The following WASHC3 variants were observed in gnomAD, a reference collection of about 807,000 sequenced individuals.
WASHC3 encodes WASH complex subunit CCDC53.
WASHC3 carries 24 observed loss-of-function variants against 26.1 expected under a neutral mutation model. The observed-to-expected ratio is 0.92, with a 90% confidence interval of 0.66 to 1.29. WASHC3 has a LOEUF of 1.29. WASHC3 is among the 50% of genes most tolerant of loss of function. The probability of loss-of-function intolerance (pLI) is 0.00; values close to 1 mark genes in which losing one functional copy is unlikely to be tolerated. For missense variants in WASHC3, 214 were observed against 229.6 expected (o/e 0.93, Z 0.44); for synonymous variants, 77 against 75.7 (o/e 1.02, Z -0.09).
intron 1 of WASHC3, among the ~76,000 whole-genome samples, chr12:102,061,604 C>A (rs1878813238): frequency 6.6e-6 from 1 of 152,206 alleles, no homozygotes; most frequent in Non-Finnish European, 1.5e-5. Context: ...TAAACACACA[C>A]AAAATCTTGG....
intron 1 of WASHC3, among the ~76,000 whole-genome samples, chr12:102,061,692 C>T (rs373482418): frequency 2.0e-5 from 3 of 152,160 alleles, no homozygotes; most frequent in East Asian, 3.9e-4. Flanking sequence ...AGATGGGAAG[C>T]GACAGTTGGG....
At chr12:102,028,604 A>C (rs1014722722) in intron 5 of WASHC3, among the ~76,000 whole-genome samples, 8 of 152,058 alleles carry the variant, frequency 5.3e-5, no homozygotes, top group Non-Finnish European at 8.8e-5. Flanking sequence ...GTTGAAAAAA[A>C]AATTTCCTAA....
chr12:102,021,289 T>G (rs1256234416), intron 6 of WASHC3, among the ~76,000 whole-genome samples: 2 of 152,182 alleles, frequency 1.3e-5, no homozygotes, highest in Non-Finnish European at 2.9e-5. Context: ...GTTCTTTGTC[T>G]TAGTAGGTAG....
intron 2 of WASHC3, among the ~76,000 whole-genome samples, chr12:102,053,479 A>C (rs1034920423): frequency 1.3e-5 from 2 of 152,250 alleles, no homozygotes; most frequent in Admixed American, 6.5e-5. Flanking sequence ...AGACAAAGCC[A>C]GTCTGCAAAG....
intron 1 of WASHC3, 23 bp from the exon 2 acceptor site, chr12:102,061,369 T>C (rs752297365): frequency 6.7e-7 from 1 of 1,502,474 alleles, no homozygotes. Flanking sequence ...AAAACAAACA[T>C]GGTTCATACA....
At chr12:102,024,862 C>T (rs1019965934) in intron 6 of WASHC3, among the ~76,000 whole-genome samples, 11 of 152,008 alleles carry the variant, frequency 7.2e-5, no homozygotes, top group Admixed American at 1.3e-4. Context: ...TATCACAAGC[C>T]GTCTGGCTTT....
chr12:102,036,362 CAAAA>C (rs1271595888), intron 5 of WASHC3, among the ~76,000 whole-genome samples: 1 of 71,974 alleles, frequency 1.4e-5, no homozygotes, highest in South Asian at 5.6e-4. Context: ...GACTCCGTCT[CAAAA>C]AAAAAAAAAA....
intron 2 of WASHC3, among the ~76,000 whole-genome samples, chr12:102,060,667 T>C (rs1878766219): frequency 6.6e-6 from 1 of 152,098 alleles, no homozygotes; most frequent in Non-Finnish European, 1.5e-5. Context: ...AACTGTGAAA[T>C]TTTAGAAGCC....
Position 102,053,517 on chromosome 12 carries a change from C to T in WASHC3, c.151-7398G>A, listed in dbSNP as rs78245000. ...TGGAGTAAGTCCTTACTTCTTCAAACACACACATACCAACACATGGCCACA... is the reference window on the plus strand; with the variant it reads ...TGGAGTAAGTCCTTACTTCTTCAAATACACACATACCAACACATGGCCACA... On this transcript the variant is annotated intron_variant, in intron 2 of 6. Transcript: ENST00000240079. Among the ~76,000 whole-genome samples, 49 of 152,282 alleles carry T rather than the reference C, an allele frequency of 3.2e-4. No individual in the cohort carries two copies. In the East Asian group the frequency reaches 8.5e-3, roughly 26 times the overall value.
rs545843243 is a variant in WASHC3, at chr12:102,047,156, T to C, written c.151-1037A>G. Among the ~76,000 whole-genome samples, 3 of 152,324 alleles carry C rather than the reference T, an allele frequency of 2.0e-5. No individual in the cohort carries two copies. The East Asian group carries it at 5.8e-4, about 29-fold the overall frequency. Reference sequence around the variant, plus strand: ...GACCATTCAAGTAAAGAACATTTACTTGAAACCTCCTAATCTTAAACATTA... The same window carrying C: ...GACCATTCAAGTAAAGAACATTTACCTGAAACCTCCTAATCTTAAACATTA... On this transcript the variant is annotated intron_variant, in intron 2 of 6. Coordinates refer to ENST00000240079, the MANE Select transcript of WASHC3 (RefSeq NM_016053.4).
At chr12:102,030,995 T>G (rs1205843769) in intron 5 of WASHC3, among the ~76,000 whole-genome samples, 1 of 152,156 alleles carries the variant, frequency 6.6e-6, no homozygotes, top group Non-Finnish European at 1.5e-5. Flanking sequence ...AGATTTAATG[T>G]CGTTTCAACA....
At chr12:102,052,120 A>G (rs1040637251) in intron 2 of WASHC3, among the ~76,000 whole-genome samples, 1 of 152,232 alleles carries the variant, frequency 6.6e-6, no homozygotes, top group African/African-American at 2.4e-5. Flanking sequence ...CTCAAGAGCT[A>G]AGGAGACCAG....
rs1878806940 is a variant in WASHC3 at position 102,061,410 on chromosome 12, T to C, written c.52-64A>G. The C allele has an allele frequency of 5.7e-6, 6 of 1,057,946 alleles. No homozygotes were observed. In the East Asian group the frequency reaches 1.5e-4, roughly 26 times the overall value. 65.5% of individuals were successfully genotyped at this position (1,057,946 alleles called of 1,614,324 possible). The stretch of plus-strand genomic sequence containing the variant: ...AACGTACACAGTGCAAATCTTTTCA[T>C]ATTTGGACATAATCACGAGGCACTT... On this transcript the variant is annotated intron_variant, in intron 1 of 6. Coordinates refer to ENST00000240079, the MANE Select transcript of WASHC3 (RefSeq NM_016053.4).
chr12:102,036,310 C>T (rs1007601970), intron 5 of WASHC3, among the ~76,000 whole-genome samples: 1 of 145,256 alleles, frequency 6.9e-6, no homozygotes, highest in African/African-American at 2.6e-5. Context: ...TGCAGTGAGC[C>T]GTGACTGTGC....
intron 5 of WASHC3, among the ~76,000 whole-genome samples, chr12:102,038,176 G>C (rs992085808): frequency 6.6e-6 from 1 of 152,140 alleles, no homozygotes; most frequent in African/African-American, 2.4e-5. Flanking sequence ...AATAAAAATT[G>C]CAAGTGGTAT....
chr12:102,049,614 G>A (rs1265600863), intron 2 of WASHC3, among the ~76,000 whole-genome samples: 3 of 152,110 alleles, frequency 2.0e-5, no homozygotes, highest in Non-Finnish European at 4.4e-5. Flanking sequence ...GTTGAATATG[G>A]AAACAAAATA....
chr12:102,030,813 TC>T (rs918345259), intron 5 of WASHC3, among the ~76,000 whole-genome samples: 3 of 152,232 alleles, frequency 2.0e-5, no homozygotes, highest in Admixed American at 6.5e-5. Context: ...CTATTTAGTA[TC>T]TGCCCACTAC....
intron 2 of WASHC3, chr12:102,059,518 G>C (rs1242768739): frequency 6.6e-6 from 1 of 152,070 alleles, no homozygotes; most frequent in Non-Finnish European, 1.5e-5. Context: ...ATGAGGCTTT[G>C]ATCATAATCT....
chr12:102,052,718 C>G (rs867954455), intron 2 of WASHC3, among the ~76,000 whole-genome samples: 19 of 152,142 alleles, frequency 1.2e-4, no homozygotes, highest in African/African-American at 4.6e-4. Flanking sequence ...CTCCTGCAGC[C>G]CATACCCTAG....
Sources: gnomAD v4.1 joint callset for allele counts (sites outside exome capture counted in the v4.1 genomes callset) on GRCh38, gnomAD v4.1.1 for gene constraint, MANE v1.5 for transcripts, NCBI Gene and HGNC (gene_info 2026-07-23, HGNC 2026-07-21) for gene names.